Variants in EPB41L4A observed in about 807,000 individuals in gnomAD.
EPB41L4A encodes the protein erythrocyte membrane protein band 4.1 like 4A, also known as band 4.1-like protein 4A.
EPB41L4A carries 100 observed loss-of-function variants against 108.6 expected under a neutral mutation model. The ratio of observed to expected loss-of-function variants is 0.92; its 90% CI spans 0.78 to 1.09. The LOEUF is 1.09. Among genes scored for constraint, EPB41L4A ranks in the 50% least tolerant of loss-of-function variants. The pLI is 0.00. For synonymous variants in EPB41L4A, 319 were observed against 289.0 expected (o/e 1.10, Z -1.05); for missense variants, 1,030 against 842.7 (o/e 1.22, Z -2.75).
chr5:112,394,220 G>C (rs945160512), intron 1 of EPB41L4A, among the ~76,000 whole-genome samples: 2 of 152,190 alleles, frequency 1.3e-5, no homozygotes, highest in Non-Finnish European at 2.9e-5. Context: ...ATTCAACATA[G>C]TGTTGAAAGT....
chr5:112,342,304 C>T (rs1231531357), intron 1 of EPB41L4A, among the ~76,000 whole-genome samples: 1 of 152,172 alleles, frequency 6.6e-6, no homozygotes, highest in Non-Finnish European at 1.5e-5. Flanking sequence ...CTCCTTTTCC[C>T]ACTGAATTAC....
At chr5:112,226,628 T>A (rs1748472796) in intron 12 of EPB41L4A, among the ~76,000 whole-genome samples, 1 of 151,048 alleles carries the variant, frequency 6.6e-6, no homozygotes, top group African/African-American at 2.4e-5. Flanking sequence ...TCATAGAAAA[T>A]CCCAAGAGGG....
rs1197688659 is a variant in EPB41L4A, at chr5:112,163,581, T to G, written c.*1409A>C. The G allele has an allele frequency of 1.3e-5, 2 of 152,176 alleles. No homozygotes were observed. The highest frequency in any genetic ancestry group is 2.9e-5 in the Non-Finnish European group (2 of 68,056). The allele number at this position is 152,176 out of a possible 1,614,324, so 9.4% of individuals were successfully genotyped here. The stretch of plus-strand genomic sequence containing the variant: ...AAGCAAAAGAATGTCCTAAAAATTC[T>G]CCCTGGGATTAAGTAACACAGTGAT... On this transcript the variant is annotated 3_prime_UTR_variant, in exon 23 of 23. Transcript: ENST00000261486.
chr5:112,337,852 TGG>T (rs1321618178), intron 1 of EPB41L4A, among the ~76,000 whole-genome samples: 2 of 152,124 alleles, frequency 1.3e-5, no homozygotes, highest in East Asian at 3.9e-4. Flanking sequence ...TGGAAGCCTT[TGG>T]GCCATTCCTT....
At chr5:112,241,942 C>T (rs1003484021) in intron 9 of EPB41L4A, among the ~76,000 whole-genome samples, 2 of 152,106 alleles carry the variant, frequency 1.3e-5, no homozygotes, top group African/African-American at 4.8e-5. Context: ...CTTAAAAAAA[C>T]ATATATACTA....
At position 112,219,314 on chromosome 5, in the gene EPB41L4A, G is replaced by T. The variant is rs1747875307; in HGVS notation, c.1088-9332C>A. ...CTCACAAGAGCTGATGGTTTTATAA[G>T]CGTCTGGCATTTCCCCTGCTGGCAC... On this transcript the variant is annotated intron_variant, in intron 12 of 22. Transcript: ENST00000261486. 2.0e-5 allele frequency among the ~76,000 whole-genome samples: 3 copies of T among 152,112 alleles called. No individual in the cohort carries two copies. In the South Asian group the frequency reaches 6.2e-4, roughly 32 times the overall value.
chr5:112,417,380 G>A (rs934776746), intron 1 of EPB41L4A, among the ~76,000 whole-genome samples: 1 of 152,132 alleles, frequency 6.6e-6, no homozygotes, highest in Non-Finnish European at 1.5e-5. Context: ...TTTAGACTTT[G>A]CACTTCAAAA....
intron 17 of EPB41L4A, among the ~76,000 whole-genome samples, chr5:112,188,489 G>C (rs1761532068): frequency 6.6e-6 from 1 of 152,112 alleles, no homozygotes; most frequent in Non-Finnish European, 1.5e-5. Context: ...CCCTCACTCA[G>C]TAATGTAACA....
chr5:112,375,963 G>C (rs570304520), intron 1 of EPB41L4A, among the ~76,000 whole-genome samples: 50 of 152,242 alleles, frequency 3.3e-4, no homozygotes, highest in African/African-American at 1.2e-3. Flanking sequence ...AAAGAGGCAA[G>C]ATAACTGTCC....
intron 1 of EPB41L4A, among the ~76,000 whole-genome samples, chr5:112,411,625 C>CAA (rs397971185): frequency 0.034 from 4,334 of 128,108 alleles, 231 homozygotes; most frequent in African/African-American, 0.11. Context: ...CTGGGGCTGG[C>CAA]AAAAAAAAAA....
intron 14 of EPB41L4A, 128 bp downstream of exon 14, chr5:112,205,291 TAG>T (rs1762419041): frequency 2.5e-6 from 2 of 811,212 alleles, no homozygotes; most frequent in East Asian, 2.4e-5. Flanking sequence ...CACATTGATT[TAG>T]AGTCTGCCCA....
intron 1 of EPB41L4A, among the ~76,000 whole-genome samples, chr5:112,409,877 T>G (rs1277593786): frequency 6.6e-6 from 1 of 152,158 alleles, no homozygotes; most frequent in Non-Finnish European, 1.5e-5. Context: ...TTGGCCATGT[T>G]CACAGCACTA....
chr5:112,187,160 G>GA (rs140795272), intron 17 of EPB41L4A, among the ~76,000 whole-genome samples: 2 of 152,024 alleles, frequency 1.3e-5, no homozygotes, highest in African/African-American at 2.4e-5. Context: ...TCTCAAAAAG[G>GA]AAAAAGAGTC....
chr5:112,181,658 A>G (rs1320050886), intron 18 of EPB41L4A, among the ~76,000 whole-genome samples: 1 of 152,228 alleles, frequency 6.6e-6, no homozygotes, highest in Non-Finnish European at 1.5e-5. Flanking sequence ...TTAAATGACC[A>G]CTGATACCAT....
At chr5:112,180,289 A>T (rs1761081059) in intron 18 of EPB41L4A, among the ~76,000 whole-genome samples, 1 of 152,168 alleles carries the variant, frequency 6.6e-6, no homozygotes, top group African/African-American at 2.4e-5. Flanking sequence ...AAAGGGGGAG[A>T]GGGAAAGCCA....
chr5:112,185,980 G>A (rs965255822), intron 17 of EPB41L4A, among the ~76,000 whole-genome samples: 1 of 152,074 alleles, frequency 6.6e-6, no homozygotes, highest in African/African-American at 2.4e-5. Flanking sequence ...GAGGGGTCAG[G>A]GTTAGGAAGA....
intron 18 of EPB41L4A, among the ~76,000 whole-genome samples, chr5:112,181,027 G>A (rs1257849239): frequency 2.0e-5 from 3 of 152,152 alleles, no homozygotes; most frequent in Admixed American, 1.3e-4. Flanking sequence ...CTAGTAGAAT[G>A]GCGAAAATTA....
chr5:112,199,463 C>CTG (rs1454927594), intron 15 of EPB41L4A, among the ~76,000 whole-genome samples: 2 of 152,184 alleles, frequency 1.3e-5, no homozygotes, highest in African/African-American at 4.8e-5. Flanking sequence ...TCTTACAACT[C>CTG]TGTCATTGGC....
chr5:112,240,912 G>T, intron 9 of EPB41L4A, 102 bp from the exon 10 acceptor site: 2 of 641,842 alleles, frequency 3.1e-6, no homozygotes, highest in Non-Finnish European at 5.4e-6. Flanking sequence ...CAAGCAGAGA[G>T]ATTATTGATA....
Sources: allele counts gnomAD v4.1 joint callset (sites outside exome capture counted in the v4.1 genomes callset), GRCh38; gene constraint gnomAD v4.1.1; transcripts MANE v1.5; gene names NCBI Gene and HGNC (gene_info 2026-07-23, HGNC 2026-07-21).